THSD7B: variants seen among roughly 807,000 people sequenced by gnomAD.
THSD7B encodes the protein thrombospondin type-1 domain-containing protein 7B.
A neutral mutation model predicts 213.6 loss-of-function variants in THSD7B; 138 were observed. The ratio of observed to expected loss-of-function variants is 0.65; its 90% CI spans 0.56 to 0.74. The LOEUF (loss-of-function observed/expected upper bound fraction) is 0.74, where lower values mean the gene tolerates loss of function less well. THSD7B is among the 30% of genes least tolerant of loss of function. The pLI, the probability that THSD7B is intolerant of heterozygous loss-of-function variation, is 0.00. For missense variants in THSD7B, 1,931 were observed against 1,991.5 expected (o/e 0.97, Z 0.58); for synonymous variants, 742 against 687.0 (o/e 1.08, Z -1.25).
intron 12 of THSD7B, among the ~76,000 whole-genome samples, chr2:137,397,593 T>C (rs1014460520): frequency 1.7e-4 from 26 of 151,212 alleles, no homozygotes; most frequent in African/African-American, 6.3e-4. Context: ...TGGCTGCTCT[T>C]AACATTTTTT....
chr2:136,996,192 A>G (rs1196504082), intron 2 of THSD7B, among the ~76,000 whole-genome samples: 2 of 152,228 alleles, frequency 1.3e-5, no homozygotes, highest in Admixed American at 1.3e-4. Flanking sequence ...GTCTGTGTGC[A>G]CTAAGCTAGC....
intron 5 of THSD7B, among the ~76,000 whole-genome samples, chr2:137,132,880 C>T (rs1688767397): frequency 6.6e-6 from 1 of 152,178 alleles, no homozygotes; most frequent in Admixed American, 6.5e-5. Flanking sequence ...TTACAGACTA[C>T]ATGAAATTTA....
intron 15 of THSD7B, among the ~76,000 whole-genome samples, chr2:137,527,366 T>C (rs1038620472): frequency 6.6e-6 from 1 of 152,092 alleles, no homozygotes; most frequent in African/African-American, 2.4e-5. Flanking sequence ...AGAATAAATT[T>C]TCATTTGTCC....
intron 5 of THSD7B, among the ~76,000 whole-genome samples, chr2:137,115,754 A>G (rs1332654548): frequency 6.6e-6 from 1 of 152,192 alleles, no homozygotes; most frequent in Non-Finnish European, 1.5e-5. Context: ...TTTCTGAAGA[A>G]AAAGAAGGAA....
At chr2:137,370,944 T>G (rs573919478) in intron 12 of THSD7B, among the ~76,000 whole-genome samples, 1 of 151,650 alleles carries the variant, frequency 6.6e-6, no homozygotes, top group African/African-American at 2.4e-5. Flanking sequence ...TATGATAATC[T>G]TTTTTTTTCA....
intron 12 of THSD7B, among the ~76,000 whole-genome samples, chr2:137,346,291 T>G (rs1482555115): frequency 1.3e-5 from 2 of 151,770 alleles, no homozygotes; most frequent in Admixed American, 1.3e-4. Flanking sequence ...ATTTCTGAGA[T>G]TTTGACTACT....
intron 7 of THSD7B, among the ~76,000 whole-genome samples, chr2:137,229,212 C>G (rs1490305565): frequency 6.6e-6 from 1 of 152,142 alleles, no homozygotes; most frequent in African/African-American, 2.4e-5. Flanking sequence ...AGGTTTATTG[C>G]AAGACATAGC....
intron 5 of THSD7B, among the ~76,000 whole-genome samples, chr2:137,123,831 C>T (rs1027621028): frequency 6.6e-6 from 1 of 152,010 alleles, no homozygotes; most frequent in Non-Finnish European, 1.5e-5. Context: ...TTCTCATCAC[C>T]CAATATTTCT....
At chr2:136,976,188 A>G (rs1484349079) in intron 2 of THSD7B, among the ~76,000 whole-genome samples, 1 of 152,188 alleles carries the variant, frequency 6.6e-6, no homozygotes, top group Non-Finnish European at 1.5e-5. Context: ...TTCCTTGTCC[A>G]GAACTTACAT....
chr2:137,221,104 C>T (rs1681359188), intron 7 of THSD7B, among the ~76,000 whole-genome samples: 2 of 151,970 alleles, frequency 1.3e-5, no homozygotes, highest in Admixed American at 1.3e-4. Flanking sequence ...ATCAAGACCA[C>T]GGTGAAACCC....
chr2:137,156,930 T>A (rs910646664), intron 5 of THSD7B, among the ~76,000 whole-genome samples: 3 of 152,096 alleles, frequency 2.0e-5, no homozygotes, highest in Non-Finnish European at 2.9e-5. Context: ...TTCTTAGTAA[T>A]GAGAGAGATA....
At chr2:136,984,225 ATGGACAGGTTTGTTGATATGGTC>A (rs1368407445) in intron 2 of THSD7B, among the ~76,000 whole-genome samples, 15 of 152,168 alleles carry the variant, frequency 9.9e-5, no homozygotes, top group Non-Finnish European at 1.8e-4. Context: ...AAGATGTGGA[ATGGACAGGTTTGTTGATATGGTC>A]TGGATGTTTG....
chr2:137,331,464 AGAGT>A (rs1417971224), intron 12 of THSD7B, among the ~76,000 whole-genome samples: 1 of 152,240 alleles, frequency 6.6e-6, no homozygotes, highest in African/African-American at 2.4e-5. Flanking sequence ...AGCTAGATGC[AGAGT>A]GCTGATTGGT....
chr2:136,870,071 CAAAA>C (rs5834512), intron 1 of THSD7B, among the ~76,000 whole-genome samples: 1 of 130,652 alleles, frequency 7.7e-6, no homozygotes. Context: ...GACTCCGTCT[CAAAA>C]AAAAAAAAAA....
chr2:137,399,412 C>T (rs188735645), intron 12 of THSD7B, among the ~76,000 whole-genome samples: 9 of 152,146 alleles, frequency 5.9e-5, no homozygotes, highest in Non-Finnish European at 8.8e-5. Context: ...AAGCTGGTCT[C>T]GAACTCCTGA....
intron 3 of THSD7B, among the ~76,000 whole-genome samples, chr2:137,086,668 G>A (rs1247300803): frequency 2.0e-5 from 3 of 152,108 alleles, no homozygotes; most frequent in Non-Finnish European, 2.9e-5. Context: ...TTCACTCTAC[G>A]ACAATGGTCA....
intron 10 of THSD7B, among the ~76,000 whole-genome samples, chr2:137,259,673 A>G (rs1482283270): frequency 6.6e-6 from 1 of 152,086 alleles, no homozygotes; most frequent in Non-Finnish European, 1.5e-5. Flanking sequence ...CTGCTTGCAC[A>G]GTATTTTTTG....
chr2:137,115,100 T>A (rs779866662), intron 4 of THSD7B, 24 bp from the exon 5 acceptor site: 1 of 1,613,680 alleles, frequency 6.2e-7, no homozygotes, highest in Admixed American at 1.7e-5. Flanking sequence ...CTTCTTCTTC[T>A]TTTAAATAAA....
At chr2:137,368,207 G>T (rs1269831593) in intron 12 of THSD7B, among the ~76,000 whole-genome samples, 3 of 151,868 alleles carry the variant, frequency 2.0e-5, no homozygotes, top group Non-Finnish European at 4.4e-5. Context: ...AAAGAGGGAT[G>T]GACTTTGGGT....
Sources: gnomAD v4.1 joint callset for allele counts (sites outside exome capture counted in the v4.1 genomes callset) on GRCh38, gnomAD v4.1.1 for gene constraint, MANE v1.5 for transcripts, NCBI Gene and HGNC (gene_info 2026-07-23, HGNC 2026-07-21) for gene names.